Variants in ACOX3 observed in about 807,000 individuals in gnomAD.
ACOX3 encodes peroxisomal acyl-coenzyme A oxidase 3.
In ACOX3, 73 loss-of-function variants were observed where a neutral mutation model predicts 81.5. The observed-to-expected ratio is 0.90, with a 90% CI of 0.74 to 1.09. ACOX3 has a LOEUF of 1.09. Ranked by LOEUF, ACOX3 falls within the 50% of genes least tolerant of loss-of-function variation. ACOX3 has a pLI of 0.00. For synonymous variants in ACOX3, 387 were observed against 375.1 expected, an observed-to-expected ratio of 1.03 and a Z score of -0.37; for missense variants, 947 against 928.0, an observed-to-expected ratio of 1.02 and a Z score of -0.27.
At position 8,394,632 on chromosome 4, in the gene ACOX3, G is replaced by A. The variant is rs1466697268; in HGVS notation, c.1167C>T (p.Arg389=). 6.2e-7 allele frequency: 1 copy of A among 1,613,542 alleles called. No individual in the cohort carries two copies. Among genetic ancestry groups the A allele is most frequent in the Non-Finnish European group, 8.5e-7 (1 of 1,179,974 alleles). The part of the protein sequence containing the change: ...ELQRGLASGD[R]SARQAELGRE... ...GACACCACCTCACCTGTCTGGCGCT[G>A]CGGTCTCCCGATGCAAGTCCTCGCT... The change falls in exon 10 of 18, where the codon CGC becomes CGT. Residue 389 remains arginine (R), a synonymous_variant. Transcript: ENST00000356406. The surrounding 1 kb of genome is among the most constrained non-coding windows in gnomAD (Gnocchi z 5.9).
chr4:8,434,117 A>T (rs2109048495), intron 1 of ACOX3, among the ~76,000 whole-genome samples: 1 of 152,318 alleles, frequency 6.6e-6, no homozygotes, highest in Non-Finnish European at 1.5e-5. Flanking sequence ...TAAATTCCAG[A>T]CATTGTATGA....
At position 8,397,069 on chromosome 4, in the gene ACOX3, C is replaced by G. The variant is rs1214510793; in HGVS notation, c.924G>C (p.Arg308=). 6.3e-7 allele frequency: 1 copy of G among 1,599,674 alleles called. No individual in the cohort carries two copies. The highest frequency in any genetic ancestry group is 1.8e-5 in the Admixed American group (1 of 56,668). Reference sequence around the variant, plus strand: ...GGATGGCCAGGCTCACGATGGAGACCCGGCCCGAGGACAGGCTCCCCAGGG... The same window carrying G: ...GGATGGCCAGGCTCACGATGGAGACGCGGCCCGAGGACAGGCTCCCCAGGG... ...GASLGSLSSG[R]VSIVSLAILN... The change falls in exon 9 of 18, where the codon CGG becomes CGC. Residue 308 remains arginine (R), a synonymous_variant. Transcript: ENST00000356406.
In ACOX3 at chr4:8,368,930, T is replaced by C. The variant is rs1405037593; in HGVS notation, c.1984-1850A>G. The stretch of plus-strand genomic sequence containing the variant: ...CCTGGGCTAAAGGGATCCGCCCGCC[T>C]CAGCCTTCCAAAGTGCTAGGATAAC... On this transcript the variant is annotated intron_variant, in intron 17 of 17. Coordinates refer to ENST00000356406, the MANE Select transcript of ACOX3 (RefSeq NM_003501.3). The surrounding 1 kb of genome is among the most constrained non-coding windows in gnomAD (Gnocchi z 5.9). Among the ~76,000 whole-genome samples the C allele has an allele frequency of 6.6e-6, 1 of 152,116 alleles. No individual in the cohort carries two copies. The highest frequency in any genetic ancestry group is 6.5e-5 in the Admixed American group (1 of 15,270).
At position 8,389,336 on chromosome 4, in the gene ACOX3, T is replaced by C. The variant is rs202006899; in HGVS notation, c.1424-50A>G. ...TGGTGGAAGACAGGAACCCAAACCA[T>C]TGGGAACCCCAAGCTGGGGGCACCC... On this transcript the variant is annotated intron_variant, in intron 12 of 17. Coordinates refer to ENST00000356406, the MANE Select transcript of ACOX3 (RefSeq NM_003501.3). The surrounding 1 kb of genome is among the most constrained non-coding windows in gnomAD (Gnocchi z 5.3). 3.2e-5 allele frequency: 50 copies of C among 1,553,324 alleles called. 1 individual carries two copies. Among genetic ancestry groups the C allele is most frequent in the African/African-American group, 3.1e-4 (23 of 73,812 alleles).
rs150350137 is a variant in ACOX3 at position 8,394,449 on chromosome 4, C to A, written c.1179+171G>T. Among the ~76,000 whole-genome samples the A allele has an allele frequency of 2.0e-5, 3 of 152,214 alleles. No individual in the cohort carries two copies. The highest frequency in any genetic ancestry group is 7.2e-5 in the African/African-American group (3 of 41,448). ...CAGGGGTGTGGACGCGTGCCCAGCCCGTTCAATCGCGGCAGAGGCCAAGAG... is the reference window on the plus strand; with the variant it reads ...CAGGGGTGTGGACGCGTGCCCAGCCAGTTCAATCGCGGCAGAGGCCAAGAG... On this transcript the variant is annotated intron_variant, in intron 10 of 17. Coordinates refer to ENST00000356406, the MANE Select transcript of ACOX3 (RefSeq NM_003501.3). The surrounding 1 kb of genome is among the most constrained non-coding windows in gnomAD (Gnocchi z 5.9).
chr4:8,367,393 G>C (rs1168849649), intron 17 of ACOX3, among the ~76,000 whole-genome samples: 3 of 152,192 alleles, frequency 2.0e-5, no homozygotes, highest in Non-Finnish European at 1.5e-5. Context: ...TGAGGCAGGA[G>C]AATCACTTGA....
At position 8,384,855 on chromosome 4, in the gene ACOX3, G is replaced by A. The variant is rs1416957173; in HGVS notation, c.1538-3248C>T. Among the ~76,000 whole-genome samples the A allele has an allele frequency of 1.3e-5, 2 of 152,198 alleles. No individual in the cohort carries two copies. The highest frequency in any genetic ancestry group is 2.9e-5 in the Non-Finnish European group (2 of 68,040). Reference sequence around the variant, plus strand: ...AGGCCCGGGTCTGACCATGCCCGCCGCTCTGGTGCTCCTGAATGGCCGGTG... The same window carrying A: ...AGGCCCGGGTCTGACCATGCCCGCCACTCTGGTGCTCCTGAATGGCCGGTG... On this transcript the variant is annotated intron_variant, in intron 13 of 17. Coordinates refer to ENST00000356406, the MANE Select transcript of ACOX3 (RefSeq NM_003501.3). The surrounding 1 kb of genome is among the most constrained non-coding windows in gnomAD (Gnocchi z 5.3).
rs1719401914 is a variant in ACOX3, at chr4:8,394,174, T to C, written c.1179+446A>G. On this transcript the variant is annotated intron_variant, in intron 10 of 17. Coordinates refer to ENST00000356406, the MANE Select transcript of ACOX3 (RefSeq NM_003501.3). This position sits in a 1 kb window ranked among gnomAD's most constrained non-coding sequence, Gnocchi z 5.9. ...CATCTACAAAGAAATCCGTTCCCGA[T>C]GTCTCTTTATGCCGAGGCTGATCTC... Among the ~76,000 whole-genome samples the C allele has an allele frequency of 6.6e-6, 1 of 152,200 alleles. No homozygotes were observed. Among genetic ancestry groups the C allele is most frequent in the African/African-American group, 2.4e-5 (1 of 41,464 alleles).
chr4:8,368,250 C>A lies in ACOX3; in HGVS notation c.1984-1170G>T, dbSNP rs781709928. On this transcript the variant is annotated intron_variant, in intron 17 of 17. Coordinates refer to ENST00000356406, the MANE Select transcript of ACOX3 (RefSeq NM_003501.3). This position sits in a 1 kb window ranked among gnomAD's most constrained non-coding sequence, Gnocchi z 5.9. ...CCTGCCCCGGGCCAGCACTCCCCTACGGGAGGTGCAGACTTCACTGCTCTC... is the reference window on the plus strand; with the variant it reads ...CCTGCCCCGGGCCAGCACTCCCCTAAGGGAGGTGCAGACTTCACTGCTCTC... 3.3e-5 allele frequency among the ~76,000 whole-genome samples: 5 copies of A among 152,240 alleles called. No individual in the cohort carries two copies. Among genetic ancestry groups the A allele is most frequent in the Admixed American group, 6.5e-5 (1 of 15,290 alleles).
chr4:8,399,704 C>G lies in ACOX3; in HGVS notation c.777-52G>C. On this transcript the variant is annotated intron_variant, in intron 7 of 17. Transcript: ENST00000356406. This position sits in a 1 kb window ranked among gnomAD's most constrained non-coding sequence, Gnocchi z 4.9. ...TAAACAGGGGTCCTGCCCTGAGGCT[C>G]TTCTCTTCTCCAAGGGCAGCCTAAA... 6.6e-7 allele frequency: 1 copy of G among 1,523,512 alleles called. No homozygotes were observed. The allele number at this position is 1,523,512 out of a possible 1,614,324, so 94.4% of individuals were successfully genotyped here.
intron 13 of ACOX3, among the ~76,000 whole-genome samples, chr4:8,387,643 A>G (rs1029351069): frequency 6.6e-6 from 1 of 152,194 alleles, no homozygotes; most frequent in Non-Finnish European, 1.5e-5. Context: ...GGCATTTGAC[A>G]GGGACACGGG....
In ACOX3 at chr4:8,415,860, T is replaced by A. The variant is rs780711535; in HGVS notation, c.284A>T (p.Asp95Val). Reference sequence around the variant, plus strand: ...GACCTTCAGAGGGCTCTTGAACATGTCTTCGACACTGAGGAAGTCATACTC... The same window carrying A: ...GACCTTCAGAGGGCTCTTGAACATGACTTCGACACTGAGGAAGTCATACTC... ...IFEYDFLSVE[D>V]MFKSPLKVPA... is the part of the protein sequence containing the mutation. The change falls in exon 3 of 18, where the codon GAC becomes GTC. Residue 95 changes from aspartate (D) to valine (V), a missense_variant. Coordinates refer to ENST00000356406, the MANE Select transcript of ACOX3 (RefSeq NM_003501.3). 1.9e-6 allele frequency: 3 copies of A among 1,614,030 alleles called. No individual in the cohort carries two copies. Among genetic ancestry groups the A allele is most frequent in the Non-Finnish European group, 2.5e-6 (3 of 1,180,022 alleles).
At position 8,394,911 on chromosome 4, in the gene ACOX3, A is replaced by G. The variant is rs905550294; in HGVS notation, c.1057-169T>C. ...CACATCAGAAAGCCTTCACCCTGAC[A>G]CGCTCTCAACTCAGCCAGTTCGGCT... On this transcript the variant is annotated intron_variant, in intron 9 of 17. Transcript: ENST00000356406. The surrounding 1 kb of genome is among the most constrained non-coding windows in gnomAD (Gnocchi z 5.9). 3 of 876,924 alleles carry G rather than the reference A, an allele frequency of 3.4e-6. No individual in the cohort carries two copies. In the African/African-American group the frequency reaches 5.1e-5, roughly 15 times the overall value. 54.3% of individuals were successfully genotyped at this position (876,924 alleles called of 1,614,324 possible). A position where few individuals can be genotyped will look rare whatever the true frequency, so the allele number is the denominator to read the frequency against.
chr4:8,412,365 C>G (rs1721820881), intron 5 of ACOX3, among the ~76,000 whole-genome samples: 2 of 152,178 alleles, frequency 1.3e-5, no homozygotes, highest in Admixed American at 1.3e-4. Flanking sequence ...TGCAGTACCC[C>G]AGGCACAGTC....
chr4:8,403,375 A>T (rs1007411172), intron 7 of ACOX3, among the ~76,000 whole-genome samples: 1 of 152,210 alleles, frequency 6.6e-6, no homozygotes, highest in African/African-American at 2.4e-5. Context: ...CAGACCCTCC[A>T]GCCCTGGATG....
At position 8,406,050 on chromosome 4, in the gene ACOX3, A is replaced by G; in HGVS notation, c.688-7T>C. ...GGGTCTTCGGGTCCCGGATCTATACAAAGCCACAGAAAGCAGCAAACAGCA... is the reference window on the plus strand; with the variant it reads ...GGGTCTTCGGGTCCCGGATCTATACGAAGCCACAGAAAGCAGCAAACAGCA... On this transcript the variant is annotated splice_polypyrimidine_tract_variant and splice_region_variant and intron_variant, in intron 6 of 17. Transcript: ENST00000356406. The surrounding 1 kb of genome is among the most constrained non-coding windows in gnomAD (Gnocchi z 5.6). 1 of 1,612,686 alleles carries G rather than the reference A, an allele frequency of 6.2e-7. No homozygotes were observed. Among genetic ancestry groups the G allele is most frequent in the Non-Finnish European group, 8.5e-7 (1 of 1,178,868 alleles).
intron 1 of ACOX3, among the ~76,000 whole-genome samples, chr4:8,439,657 TA>T (rs1724475932): frequency 6.6e-6 from 1 of 152,262 alleles, no homozygotes; most frequent in Non-Finnish European, 1.5e-5. Context: ...CATGTGCCTG[TA>T]CTGGTTTAAC....
rs112881525 is a variant in ACOX3 at position 8,430,637 on chromosome 4, C to T, written c.-15+10011G>A. On this transcript the variant is annotated intron_variant, in intron 1 of 17. Coordinates refer to ENST00000356406, the MANE Select transcript of ACOX3 (RefSeq NM_003501.3). This position sits in a 1 kb window ranked among gnomAD's most constrained non-coding sequence, Gnocchi z 5.2. Reference sequence around the variant, plus strand: ...TTGGGAGGTCGAGGTGGGCAGATCACTTGAGGTCAGGAGTTTGAGACCAGC... The same window carrying T: ...TTGGGAGGTCGAGGTGGGCAGATCATTTGAGGTCAGGAGTTTGAGACCAGC... Among the ~76,000 whole-genome samples the T allele has an allele frequency of 8.8e-3, 1,342 of 152,274 alleles. 6 individuals are homozygous for T. Among genetic ancestry groups the T allele is most frequent in the South Asian group, 0.033 (160 of 4,818 alleles).
At chr4:8,402,378 G>A (rs1720464075) in intron 7 of ACOX3, among the ~76,000 whole-genome samples, 1 of 152,178 alleles carries the variant, frequency 6.6e-6, no homozygotes, top group Admixed American at 6.5e-5. Flanking sequence ...CCATGCCACA[G>A]CCGCACACTC....
Sources: allele counts gnomAD v4.1 joint callset (sites outside exome capture counted in the v4.1 genomes callset), GRCh38; gene constraint gnomAD v4.1.1; non-coding constraint Gnocchi (gnomAD v3.1); transcripts MANE v1.5; gene names NCBI Gene and HGNC (gene_info 2026-07-23, HGNC 2026-07-21).